The following RPL13 variants were observed in gnomAD, a reference collection of about 807,000 sequenced individuals.
RPL13 encodes large ribosomal subunit protein eL13.
Under a neutral mutation model 21.4 loss-of-function variants are expected in RPL13, and 1 was observed. That is an observed-to-expected ratio of 0.05 (90% CI 0.02 to 0.22). The LOEUF (loss-of-function observed/expected upper bound fraction) is 0.22, where lower values mean the gene tolerates loss of function less well. Ranked by LOEUF, RPL13 falls within the 10% of genes least tolerant of loss-of-function variation. The pLI is 1.00. For synonymous variants in RPL13, 143 were observed against 120.5 expected, an observed-to-expected ratio of 1.19 and a Z score of -1.23; for missense variants, 289 against 303.0, an observed-to-expected ratio of 0.95 and a Z score of 0.34.
At chr16:89,564,771 G>T (rs1040404732), downstream of RPL13, 2 of 152,524 alleles carry the variant, frequency 1.3e-5, no homozygotes, top group African/African-American at 2.4e-5. Context: ...CTGGCCGTGG[G>T]GGGTGCAGGG....
chr16:89,564,942 T>A (rs1166037440), downstream of RPL13: 1 of 152,306 alleles, frequency 6.6e-6, no homozygotes, highest in South Asian at 2.1e-4. Context: ...CCTTGCTGTT[T>A]TTACTGTGGG....
rs2058745184 is a variant in RPL13 at position 89,561,584 on chromosome 16, G to A, written c.253G>A (p.Gly85Ser). The change falls in exon 4 of 6, where the codon GGC becomes AGC. Residue 85 changes from glycine (G) to serine (S), a missense_variant. Coordinates refer to ENST00000311528, the MANE Select transcript of RPL13 (RefSeq NM_000977.4). ...CTCTCTGGTTCTGGGGCAGGTGGCCGGCATTCACAAGAAGGTGGCCCGGAC... is the reference window on the plus strand; with the variant it reads ...CTCTCTGGTTCTGGGGCAGGTGGCCAGCATTCACAAGAAGGTGGCCCGGAC... ...GFSLEELRVA[G>S]IHKKVARTIG... is the part of the protein sequence containing the mutation. 2 of 1,613,412 alleles carry A rather than the reference G, an allele frequency of 1.2e-6. No individual in the cohort carries two copies. The highest frequency in any genetic ancestry group is 1.7e-6 in the Non-Finnish European group (2 of 1,180,018).
intron 1 of RPL13, 35 bp downstream of exon 1, chr16:89,560,747 T>C (rs2058736521): frequency 5.8e-6 from 3 of 518,530 alleles, no homozygotes; most frequent in Non-Finnish European, 1.0e-5. Context: ...TTGGGCATCA[T>C]CCAGCGCCAT....
In RPL13 at chr16:89,561,679, G is replaced by T. The variant is rs1597674970; in HGVS notation, c.348G>T (p.Arg116=). ...STESLQANVQ[R]LKEYRSKLIL... Reference sequence around the variant, plus strand: ...AGTCCCTGCAGGCCAACGTGCAGCGGCTGAAGGAGTACCGCTCCAAACTCA... The same window carrying T: ...AGTCCCTGCAGGCCAACGTGCAGCGTCTGAAGGAGTACCGCTCCAAACTCA... Residue 116 remains arginine, a synonymous_variant, in exon 4 of 6, where the codon CGG becomes CGT. Transcript: ENST00000311528. 1 of 1,613,882 alleles carries T rather than the reference G, an allele frequency of 6.2e-7. No homozygotes were observed. The highest frequency in any genetic ancestry group is 8.5e-7 in the Non-Finnish European group (1 of 1,180,038).
chr16:89,562,701 A>C, intron 5 of RPL13, 183 bp from the exon 6 acceptor site: 1 of 610,624 alleles, frequency 1.6e-6, no homozygotes, highest in Non-Finnish European at 2.7e-6. Context: ...CAGCTCAGGG[A>C]GGGTTTTTCT....
rs1265341162 is a variant in RPL13 at position 89,564,250 on chromosome 16, GC to G, written c.*1209del. 1 of 152,248 alleles carries G rather than the reference GC, an allele frequency of 6.6e-6. No homozygotes were observed. Among genetic ancestry groups the G allele is most frequent in the African/African-American group, 2.4e-5 (1 of 41,456 alleles). 9.4% of individuals were successfully genotyped at this position (152,248 alleles called of 1,614,324 possible). A position where few individuals can be genotyped will look rare whatever the true frequency, so the allele number is the denominator to read the frequency against. On this transcript the variant is annotated 3_prime_UTR_variant, in exon 6 of 6. Transcript: ENST00000311528. ...GGAAATAGGTGATGCTGCTACCTCT[GC>G]TGCTGCACTCACAGCCACACTTGAT...
At position 89,563,193 on chromosome 16, in the gene RPL13, C is replaced by T. The variant is rs2058759171; in HGVS notation, c.*151C>T. On this transcript the variant is annotated 3_prime_UTR_variant, in exon 6 of 6. Coordinates refer to ENST00000311528, the MANE Select transcript of RPL13 (RefSeq NM_000977.4). ...GGCTTTCTTGAAAGACAGTCCAAGC[C>T]CTGGATAATGCTTTACTTTCTGTGT... 1.5e-6 allele frequency: 1 copy of T among 671,830 alleles called. No individual in the cohort carries two copies. The allele number at this position is 671,830 out of a possible 1,614,324, so 41.6% of individuals were successfully genotyped here.
In RPL13 at chr16:89,560,715, G is replaced by A. The variant is rs1323954137; in HGVS notation, c.-21+3G>A. ...TCGGCTGTTTTCCTGCGCAGGAGGT[G>A]AGGGAGACTGGGTCCTGGCCTTTGG... On this transcript the variant is annotated splice_donor_region_variant and intron_variant, in intron 1 of 5. Transcript: ENST00000311528. 3 of 458,128 alleles carry A rather than the reference G, an allele frequency of 6.5e-6. No homozygotes were observed. The highest frequency in any genetic ancestry group is 7.6e-5 in the East Asian group (2 of 26,210). 28.4% of individuals were successfully genotyped at this position (458,128 alleles called of 1,614,324 possible).
At position 89,562,875 on chromosome 16, in the gene RPL13, C is replaced by T. The variant is rs369928616; in HGVS notation, c.478-9C>T. 2.0e-6 allele frequency: 3 copies of T among 1,535,838 alleles called. No individual in the cohort carries two copies. The highest frequency in any genetic ancestry group is 2.4e-5 in the East Asian group (1 of 41,532). Reference sequence around the variant, plus strand: ...CATGTGGGTTTAACAACCTGTCTTTCTCTTCTAGGTCTATAAGAAGGAGAA... The same window carrying T: ...CATGTGGGTTTAACAACCTGTCTTTTTCTTCTAGGTCTATAAGAAGGAGAA... On this transcript the variant is annotated splice_polypyrimidine_tract_variant and intron_variant, in intron 5 of 5. Transcript: ENST00000311528.
chr16:89,563,800 CTTG>C lies in RPL13; in HGVS notation c.*763_*765del, dbSNP rs1317879688. 5 of 152,210 alleles carry C rather than the reference CTTG, an allele frequency of 3.3e-5. No homozygotes were observed. Among genetic ancestry groups the C allele is most frequent in the African/African-American group, 1.2e-4 (5 of 41,458 alleles). 9.4% of individuals were successfully genotyped at this position (152,210 alleles called of 1,614,324 possible). A position where few individuals can be genotyped will look rare whatever the true frequency, so the allele number is the denominator to read the frequency against. The stretch of plus-strand genomic sequence containing the variant: ...TGGACTTTGGGGCGTCATTCTTAAG[CTTG>C]TTGTGCCCGGTAACCATGGTCCTCT... On this transcript the variant is annotated 3_prime_UTR_variant, in exon 6 of 6. Coordinates refer to ENST00000311528, the MANE Select transcript of RPL13 (RefSeq NM_000977.4).
In RPL13 at chr16:89,564,020, G is replaced by GTT. The variant is rs1395153939; in HGVS notation, c.*979_*980insTT. ...GAGCTGGCATCCCCATGTCTTCTGT[G>GTT]TCCGAGGGCAGCATGGTTTCTCGTG... On this transcript the variant is annotated 3_prime_UTR_variant, in exon 6 of 6. Transcript: ENST00000311528. 2.6e-5 allele frequency: 4 copies of GTT among 152,216 alleles called. No homozygotes were observed. The highest frequency in any genetic ancestry group is 1.3e-4 in the Admixed American group (2 of 15,288). The allele number at this position is 152,216 out of a possible 1,614,324, so 9.4% of individuals were successfully genotyped here. A position where few individuals can be genotyped will look rare whatever the true frequency, so the allele number is the denominator to read the frequency against.
At chr16:89,561,813 C>T (rs918641815) in intron 4 of RPL13, 62 bp downstream of exon 4, 10 of 1,557,148 alleles carry the variant, frequency 6.4e-6, no homozygotes, top group Non-Finnish European at 7.9e-6. Context: ...GCTCCTTTAT[C>T]AGTGACACCG....
Position 89,561,038 on chromosome 16 carries a change from A to G in RPL13, c.79A>G (p.Asn27Asp), listed in dbSNP as rs537803483. The G allele has an allele frequency of 6.2e-7, 1 of 1,606,752 alleles. No individual in the cohort carries two copies. Among genetic ancestry groups the G allele is most frequent in the African/African-American group, 1.4e-5 (1 of 73,806 alleles). Residue 27 changes from asparagine to aspartate, a missense_variant, in exon 2 of 6, where the codon AAC (asparagine) becomes GAC (aspartate). Asn to Asp is a conservative substitution (Grantham distance 23). Transcript: ENST00000311528. ...GCAGCGGCGCGTGGCCACGTGGTTC[A>G]ACCAGCCGGCCCGTAAGATCCGCAG... ...DWQRRVATWF[N>D]QPARKIRRRK...
rs765694106 is a variant in RPL13 at position 89,561,097 on chromosome 16, C to A, written c.104+34C>A. ...TGCGCTCGGGGCTGCCCCTGGGGCTCGTGCCCGCGGCTGCGCCTTGGCTTG... is the reference window on the plus strand; with the variant it reads ...TGCGCTCGGGGCTGCCCCTGGGGCTAGTGCCCGCGGCTGCGCCTTGGCTTG... On this transcript the variant is annotated intron_variant, in intron 2 of 5. Coordinates refer to ENST00000311528, the MANE Select transcript of RPL13 (RefSeq NM_000977.4). 38 of 1,572,590 alleles carry A rather than the reference C, an allele frequency of 2.4e-5. No homozygotes were observed. The African/African-American group carries it at 4.7e-4, about 20-fold the overall frequency.
Position 89,561,657 on chromosome 16 carries a change from C to T in RPL13, c.326C>T (p.Ser109Phe), listed in dbSNP as rs2058745905. ...AGGAGGCGGAACAAGTCCACGGAGT[C>T]CCTGCAGGCCAACGTGCAGCGGCTG... ...DPRRRNKSTE[S>F]LQANVQRLKE... The change falls in exon 4 of 6, where the codon TCC (serine) becomes TTC (phenylalanine). Residue 109 changes from serine to phenylalanine, a missense_variant. Coordinates refer to ENST00000311528, the MANE Select transcript of RPL13 (RefSeq NM_000977.4). 2.5e-6 allele frequency: 4 copies of T among 1,613,744 alleles called. No individual in the cohort carries two copies. The highest frequency in any genetic ancestry group is 1.7e-5 in the Admixed American group (1 of 59,996).
At chr16:89,565,716 G>T (rs1402979851), downstream of RPL13, 1 of 152,272 alleles carries the variant, frequency 6.6e-6, no homozygotes, top group Non-Finnish European at 1.5e-5. Flanking sequence ...AGGGGGCGCT[G>T]TGGAACCCGG....
chr16:89,561,267 C>G lies in RPL13; in HGVS notation c.145C>G (p.Arg49Gly), dbSNP rs556332790. The change falls in exon 3 of 6, where the codon CGC becomes GGC. Residue 49 changes from arginine to glycine, a missense_variant. Physicochemically the swap from Arg to Gly is moderately radical, Grantham distance 125 (BLOSUM62 -2). Coordinates refer to ENST00000311528, the MANE Select transcript of RPL13 (RefSeq NM_000977.4). ...AGCCAAGGCGCGCCGCATCGCCCCG[C>G]GCCCCGCGTCGGGTCCCATCCGGCC... ...RQAKARRIAPRPASGPIRPIV... is the reference protein window; with the variant it reads ...RQAKARRIAPGPASGPIRPIV... The G allele has an allele frequency of 1.3e-6, 2 of 1,555,958 alleles. No homozygotes were observed. The highest frequency in any genetic ancestry group is 2.7e-5 in the African/African-American group (2 of 73,696).
intron 2 of RPL13, 40 bp downstream of exon 2, chr16:89,561,103 C>T (rs1442366104): frequency 6.4e-6 from 10 of 1,563,744 alleles, no homozygotes; most frequent in East Asian, 2.4e-5. Context: ...GGCTCGTGCC[C>T]GCGGCTGCGC....
downstream of RPL13, chr16:89,566,209 A>T (rs2058788880): frequency 6.6e-6 from 1 of 151,496 alleles, no homozygotes; most frequent in African/African-American, 2.4e-5. Flanking sequence ...TGCAGAACTG[A>T]TCGGGGATAG....
Sources: allele counts gnomAD v4.1 joint callset, GRCh38; gene constraint gnomAD v4.1.1; transcripts MANE v1.5; gene names NCBI Gene and HGNC (gene_info 2026-07-23, HGNC 2026-07-21).